ZNG1B: variants seen among roughly 807,000 people sequenced by gnomAD.
The protein encoded by ZNG1B is Zn regulated GTPase metalloprotein activator 1B.
the ZNG1B span, among the ~76,000 whole-genome samples, chr2:113,449,044 T>C: frequency 6.6e-6 from 1 of 152,202 alleles, no homozygotes; most frequent in African/African-American, 2.4e-5. Flanking sequence ...TTTTGTGTTA[T>C]GGAGATGGCT....
the ZNG1B span, among the ~76,000 whole-genome samples, chr2:113,450,752 T>C: frequency 6.8e-6 from 1 of 148,044 alleles, no homozygotes; most frequent in Admixed American, 6.8e-5. Flanking sequence ...TTCTTCTTGA[T>C]GTGGGAGAAC....
At chr2:113,490,128 A>G in the ZNG1B span, among the ~76,000 whole-genome samples, 1 of 151,898 alleles carries the variant, frequency 6.6e-6, no homozygotes, top group African/African-American at 2.4e-5. Context: ...ATGAGCCTCA[A>G]TAAATTTTAA....
the ZNG1B span, among the ~76,000 whole-genome samples, chr2:113,455,901 A>G: frequency 7.0e-6 from 1 of 143,784 alleles, no homozygotes; most frequent in Admixed American, 7.1e-5. Context: ...TATTTTTAGT[A>G]GAGACAGGAT....
chr2:113,448,700 C>G, the ZNG1B span, among the ~76,000 whole-genome samples: 1 of 152,090 alleles, frequency 6.6e-6, no homozygotes. Context: ...TTCAGGAGTT[C>G]AAGACCAGCC....
chr2:113,490,453 A>G, the ZNG1B span, among the ~76,000 whole-genome samples: 1 of 152,072 alleles, frequency 6.6e-6, no homozygotes, highest in Non-Finnish European at 1.5e-5. Context: ...AGAAACAAGA[A>G]CAAACCCAGC....
At chr2:113,479,064 C>A in the ZNG1B span, among the ~76,000 whole-genome samples, 12 of 151,784 alleles carry the variant, frequency 7.9e-5, no homozygotes, top group East Asian at 2.3e-3. Flanking sequence ...TGGAAAAAAT[C>A]AGCATTTTGC....
chr2:113,487,216 A>C, the ZNG1B span, among the ~76,000 whole-genome samples: 1 of 152,186 alleles, frequency 6.6e-6, no homozygotes, highest in African/African-American at 2.4e-5. Context: ...TATGCTGTAC[A>C]GGTTTGTAGC....
chr2:113,486,490 AT>A, the ZNG1B span, among the ~76,000 whole-genome samples: 1 of 148,696 alleles, frequency 6.7e-6, no homozygotes, highest in Non-Finnish European at 1.5e-5. Flanking sequence ...GTGGTGGCTT[AT>A]GCTTGTAATC....
chr2:113,463,255 G>A, the ZNG1B span, among the ~76,000 whole-genome samples: 1 of 152,042 alleles, frequency 6.6e-6, no homozygotes, highest in African/African-American at 2.4e-5. Context: ...TGTAAGACCT[G>A]AACTAATAAA....
chr2:113,470,639 G>C, the ZNG1B span: 2 of 256,586 alleles, frequency 7.8e-6, no homozygotes, highest in African/African-American at 4.7e-5. Context: ...TCAAGGGAGG[G>C]GGCATAAAAG....
chr2:113,490,103 A>G, the ZNG1B span, among the ~76,000 whole-genome samples: 43 of 151,256 alleles, frequency 2.8e-4, no homozygotes, highest in African/African-American at 9.7e-4. Context: ...GATAGACCAT[A>G]TGATAGCCAA....
chr2:113,482,046 A>G, the ZNG1B span: 1 of 1,009,830 alleles, frequency 9.9e-7, no homozygotes, highest in Non-Finnish European at 1.4e-6. Flanking sequence ...AACAACTTGT[A>G]AAATTGGAAT....
the ZNG1B span, among the ~76,000 whole-genome samples, chr2:113,485,334 C>G: frequency 1.5e-5 from 2 of 134,170 alleles, 1 homozygote; most frequent in Non-Finnish European, 3.1e-5. Context: ...TTTTAATTTG[C>G]TAAACAAAGA....
the ZNG1B span, among the ~76,000 whole-genome samples, chr2:113,483,134 A>C: frequency 6.6e-6 from 1 of 152,300 alleles, no homozygotes; most frequent in Non-Finnish European, 1.5e-5. Flanking sequence ...CCAGTTCTTC[A>C]TGATAGTCGG....
the ZNG1B span, chr2:113,462,498 C>T: frequency 1.6e-5 from 25 of 1,593,346 alleles, no homozygotes; most frequent in Admixed American, 8.3e-5. Context: ...CAATTAGGTA[C>T]GAAATGATAA....
the ZNG1B span, among the ~76,000 whole-genome samples, chr2:113,440,247 A>G: frequency 1.3e-5 from 2 of 152,078 alleles, no homozygotes; most frequent in South Asian, 2.1e-4. Context: ...ACCAAGGCTC[A>G]GCATAAATCT....
chr2:113,441,889 G>A, the ZNG1B span, among the ~76,000 whole-genome samples: 5 of 152,198 alleles, frequency 3.3e-5, no homozygotes, highest in Non-Finnish European at 7.4e-5. Context: ...ACAGGCGTGC[G>A]CCACCATGCC....
the ZNG1B span, among the ~76,000 whole-genome samples, chr2:113,487,238 A>T: frequency 7.9e-5 from 12 of 152,256 alleles, no homozygotes; most frequent in African/African-American, 2.9e-4. Context: ...TAGGAGCAAC[A>T]GGCTATACAG....
At chr2:113,471,571 C>T in the ZNG1B span, among the ~76,000 whole-genome samples, 3 of 151,090 alleles carry the variant, frequency 2.0e-5, no homozygotes, top group Admixed American at 6.6e-5. Context: ...CATGCTGGTG[C>T]GCTGCACCCA....
Sources: allele counts gnomAD v4.1 joint callset (sites outside exome capture counted in the v4.1 genomes callset), GRCh38; gene constraint gnomAD v4.1.1; transcripts MANE v1.5; gene names NCBI Gene and HGNC (gene_info 2026-07-23, HGNC 2026-07-21).